Variants in FRMD4A observed in about 807,000 individuals in gnomAD.
FRMD4A encodes the protein FERM domain containing 4A, also known as FERM domain-containing protein 4A.
A neutral mutation model predicts 129.1 loss-of-function variants in FRMD4A; 29 were observed. That is an observed-to-expected ratio of 0.22 (90% CI 0.17 to 0.31). The LOEUF (loss-of-function observed/expected upper bound fraction) is 0.31. FRMD4A is among the 10% of genes least tolerant of loss of function. The pLI is 1.00. For missense variants in FRMD4A, 1,272 were observed against 1,375.8 expected (o/e 0.92, Z 1.19); for synonymous variants, 634 against 571.6 (o/e 1.11, Z -1.56).
intron 2 of FRMD4A, among the ~76,000 whole-genome samples, chr10:14,150,337 T>C (rs1162777211): frequency 6.6e-6 from 1 of 152,246 alleles, no homozygotes; most frequent in Non-Finnish European, 1.5e-5. Flanking sequence ...TCAGAGCCTG[T>C]GAACTGCTGA....
At chr10:14,309,341 T>A (rs146058042) in intron 2 of FRMD4A, among the ~76,000 whole-genome samples, 280 of 152,266 alleles carry the variant, frequency 1.8e-3, no homozygotes, top group Middle Eastern at 0.014. Flanking sequence ...TCCCAGCTAC[T>A]CAGGTGGCTG....
intron 15 of FRMD4A, among the ~76,000 whole-genome samples, chr10:13,686,356 C>T (rs2085082171): frequency 6.6e-6 from 1 of 152,256 alleles, no homozygotes; most frequent in Non-Finnish European, 1.5e-5. Context: ...AACACAGCCG[C>T]CATCATGACG....
intron 2 of FRMD4A, among the ~76,000 whole-genome samples, chr10:14,136,558 C>A (rs1475159241): frequency 6.6e-6 from 1 of 152,106 alleles, no homozygotes; most frequent in African/African-American, 2.4e-5. Context: ...CCCAACCCCA[C>A]TCGTCTCATA....
intron 2 of FRMD4A, among the ~76,000 whole-genome samples, chr10:14,006,297 G>T (rs1039912774): frequency 6.6e-6 from 1 of 152,206 alleles, no homozygotes; most frequent in African/African-American, 2.4e-5. Context: ...CCATACTCAT[G>T]TTAAGGCCCA....
intron 2 of FRMD4A, among the ~76,000 whole-genome samples, chr10:14,042,710 C>G (rs1029746632): frequency 3.3e-5 from 5 of 151,836 alleles, no homozygotes; most frequent in Middle Eastern, 3.2e-3. Context: ...TGCCTGTAAT[C>G]CCAGCACTTT....
chr10:13,958,744 C>A (rs541448471), intron 2 of FRMD4A, among the ~76,000 whole-genome samples: 1 of 152,182 alleles, frequency 6.6e-6, no homozygotes, highest in Admixed American at 6.5e-5. Context: ...CACCCCCACG[C>A]CTGGCTAATT....
intron 23 of FRMD4A, chr10:13,654,107 C>A (rs570728882): frequency 1.9e-6 from 1 of 516,950 alleles, no homozygotes; most frequent in East Asian, 3.2e-5. Flanking sequence ...TAATCCAAAC[C>A]GAAATGAAAT....
chr10:13,895,912 G>T (rs890568499), intron 2 of FRMD4A, among the ~76,000 whole-genome samples: 6 of 152,142 alleles, frequency 3.9e-5, no homozygotes, highest in Admixed American at 3.3e-4. Context: ...ACAAACATAT[G>T]AAAAAAATCT....
intron 12 of FRMD4A, chr10:13,707,473 G>A (rs2087579153): frequency 9.8e-7 from 1 of 1,021,422 alleles, no homozygotes. Flanking sequence ...ACCGGGGAGA[G>A]GGACCCAGCA....
intron 2 of FRMD4A, among the ~76,000 whole-genome samples, chr10:13,923,489 C>T (rs535749065): frequency 1.5e-3 from 226 of 152,312 alleles, no homozygotes; most frequent in African/African-American, 5.1e-3. Flanking sequence ...CATGTGTGCA[C>T]ATACGTACAC....
At chr10:14,203,066 C>T (rs770680398) in intron 2 of FRMD4A, among the ~76,000 whole-genome samples, 4 of 152,194 alleles carry the variant, frequency 2.6e-5, no homozygotes, top group Non-Finnish European at 5.9e-5. Context: ...AGCCACCGTG[C>T]CTGGCCACAA....
chr10:13,904,674 T>C (rs1021809433), intron 2 of FRMD4A, among the ~76,000 whole-genome samples: 4 of 152,194 alleles, frequency 2.6e-5, no homozygotes, highest in Non-Finnish European at 5.9e-5. Flanking sequence ...TAGATTTTTA[T>C]AGTTAAATCC....
intron 2 of FRMD4A, among the ~76,000 whole-genome samples, chr10:14,205,806 CAAAAA>C (rs59803872): frequency 1.8e-4 from 12 of 67,308 alleles, no homozygotes; most frequent in South Asian, 5.3e-4. Context: ...GACTCTGTCT[CAAAAA>C]AAAAAAAAAA....
At chr10:13,699,144 C>A (rs780792506) in intron 14 of FRMD4A, among the ~76,000 whole-genome samples, 17 of 150,308 alleles carry the variant, frequency 1.1e-4, no homozygotes, top group Non-Finnish European at 2.2e-4. Context: ...CAACCTCTGC[C>A]TCCTGGGTTC....
At chr10:13,768,080 A>ATGTATG (rs1554887756) in intron 6 of FRMD4A, among the ~76,000 whole-genome samples, 21 of 150,090 alleles carry the variant, frequency 1.4e-4, no homozygotes, top group African/African-American at 1.7e-4. Context: ...GTCTGCAGGT[A>ATGTATG]TGTGTGTGTG....
At position 13,830,803 on chromosome 10, in the gene FRMD4A, TA is replaced by T. The variant is rs1399717081; in HGVS notation, c.112-19896del. ...TGGTGTCATAAGTTTTGCTTATTAT[TA>T]TTAGAGACAGAGTCTCGCTCTGTCA... On this transcript the variant is annotated intron_variant, in intron 3 of 24. Transcript: ENST00000357447. 3.3e-5 allele frequency among the ~76,000 whole-genome samples: 5 copies of T among 152,250 alleles called. No individual in the cohort carries two copies. The East Asian group carries it at 9.7e-4, about 29-fold the overall frequency.
intron 15 of FRMD4A, among the ~76,000 whole-genome samples, chr10:13,676,384 G>C (rs7070610): frequency 0.88 from 133,417 of 150,762 alleles, 59,110 homozygotes; most frequent in East Asian, 0.99. Flanking sequence ...GCCTCAGCCT[G>C]CCAAGGTAGC....
chr10:13,949,031 A>T (rs904007842), intron 2 of FRMD4A, among the ~76,000 whole-genome samples: 5 of 152,108 alleles, frequency 3.3e-5, no homozygotes, highest in African/African-American at 1.2e-4. Flanking sequence ...TGTTCAAGCT[A>T]CCTAAAGTAT....
chr10:13,748,353 C>T (rs1040517687), intron 8 of FRMD4A, among the ~76,000 whole-genome samples: 1 of 152,214 alleles, frequency 6.6e-6, no homozygotes, highest in African/African-American at 2.4e-5. Flanking sequence ...CAAATAAATA[C>T]TGATGGAGTC....
Sources: gnomAD v4.1 joint callset for allele counts (sites outside exome capture counted in the v4.1 genomes callset) on GRCh38, gnomAD v4.1.1 for gene constraint, MANE v1.5 for transcripts, NCBI Gene and HGNC (gene_info 2026-07-23, HGNC 2026-07-21) for gene names.